Variants in TMCC1 observed in about 807,000 individuals in gnomAD.
TMCC1 encodes transmembrane and coiled-coil domains protein 1.
Under a neutral mutation model 52.4 loss-of-function variants are expected in TMCC1, and 15 were observed. That is an observed-to-expected ratio of 0.29 (90% CI 0.19 to 0.44). TMCC1 has a LOEUF of 0.44. Among genes scored for constraint, TMCC1 ranks in the 20% least tolerant of loss-of-function variants. TMCC1 has a pLI of 1.00. For missense variants in TMCC1, 503 were observed against 806.0 expected, an observed-to-expected ratio of 0.62 and a Z score of 4.55; for synonymous variants, 279 against 301.9, an observed-to-expected ratio of 0.92 and a Z score of 0.79.
chr3:129,843,431 G>A (rs1360378992), intron 2 of TMCC1, among the ~76,000 whole-genome samples: 1 of 151,918 alleles, frequency 6.6e-6, no homozygotes, highest in Non-Finnish European at 1.5e-5. Context: ...AAAAACCAAT[G>A]AAAGCAAAAG....
chr3:129,783,115 G>T (rs1486212848), intron 4 of TMCC1, among the ~76,000 whole-genome samples: 1 of 152,134 alleles, frequency 6.6e-6, no homozygotes, highest in Non-Finnish European at 1.5e-5. Flanking sequence ...GTTGGGTTAG[G>T]TATGTCAGAC....
intron 5 of TMCC1, 82 bp downstream of exon 5, chr3:129,670,248 A>T (rs937058808): frequency 1.4e-6 from 2 of 1,432,864 alleles, no homozygotes; most frequent in Admixed American, 2.1e-5. Flanking sequence ...AAAGATAAAG[A>T]CTTTTAAAAG....
rs1439726181 is a variant in TMCC1 at position 129,759,583 on chromosome 3, G to C, written c.576+68220C>G. ...ATGCCAGGCCTATGACCATTTTTGA[G>C]AGTTTTTTTTTTTTTTAAGAGACAT... is the stretch of plus-strand genomic sequence containing the variant. On this transcript the variant is annotated intron_variant, in intron 4 of 6. Coordinates refer to ENST00000393238, the MANE Select transcript of TMCC1 (RefSeq NM_001017395.5). Among the ~76,000 whole-genome samples the C allele has an allele frequency of 5.7e-5, 6 of 105,046 alleles. No homozygotes were observed. The East Asian group carries it at 1.1e-3, about 19-fold the overall frequency. 68.9% of individuals were successfully genotyped at this position (105,046 alleles called of 152,430 possible). A position where few individuals can be genotyped will look rare whatever the true frequency, so the allele number is the denominator to read the frequency against.
intron 2 of TMCC1, among the ~76,000 whole-genome samples, chr3:129,835,258 T>G (rs1033723343): frequency 6.6e-6 from 1 of 152,112 alleles, no homozygotes; most frequent in African/African-American, 2.4e-5. Flanking sequence ...ATGGCTGTGT[T>G]TTCATGCTGT....
chr3:129,709,965 T>C (rs181176627), intron 4 of TMCC1, among the ~76,000 whole-genome samples: 2 of 151,974 alleles, frequency 1.3e-5, no homozygotes, highest in African/African-American at 4.8e-5. Flanking sequence ...GGCAGGCAGA[T>C]CACAAGGTCA....
At chr3:129,769,032 T>C (rs576185335) in intron 4 of TMCC1, among the ~76,000 whole-genome samples, 1 of 152,330 alleles carries the variant, frequency 6.6e-6, no homozygotes, top group Admixed American at 6.5e-5. Context: ...CTTGACAGCA[T>C]ACTTTAGATA....
At chr3:129,748,381 A>AG (rs2052178144) in intron 4 of TMCC1, among the ~76,000 whole-genome samples, 1 of 152,104 alleles carries the variant, frequency 6.6e-6, no homozygotes. Context: ...TCTGCCTCCC[A>AG]GGCTCAAGCG....
In TMCC1 at chr3:129,651,478, G is replaced by C; in HGVS notation, c.*3C>G. ...GTAGGGAACAATGCCTTCTGTGCCA[G>C]CATCATCTAGGGGATGAAAAGAACC... On this transcript the variant is annotated 3_prime_UTR_variant, in exon 7 of 7. Transcript: ENST00000393238. The surrounding 1 kb of genome is among the most constrained non-coding windows in gnomAD (Gnocchi z 5.1). 1 of 1,611,620 alleles carries C rather than the reference G, an allele frequency of 6.2e-7. No individual in the cohort carries two copies. Among genetic ancestry groups the C allele is most frequent in the Non-Finnish European group, 8.5e-7 (1 of 1,178,202 alleles).
chr3:129,717,374 C>A (rs1251061718), intron 4 of TMCC1, among the ~76,000 whole-genome samples: 1 of 152,180 alleles, frequency 6.6e-6, no homozygotes, highest in Non-Finnish European at 1.5e-5. Context: ...AGTACACCAT[C>A]CTCTCTAGAT....
intron 4 of TMCC1, among the ~76,000 whole-genome samples, chr3:129,779,733 G>A (rs1248143886): frequency 4.6e-5 from 7 of 152,080 alleles, no homozygotes; most frequent in Non-Finnish European, 2.9e-5. Flanking sequence ...AAATGAAAAT[G>A]GAACAATGTG....
At chr3:129,795,345 C>T (rs1364550592) in intron 4 of TMCC1, among the ~76,000 whole-genome samples, 1 of 152,138 alleles carries the variant, frequency 6.6e-6, no homozygotes, top group Non-Finnish European at 1.5e-5. Context: ...TCCAGACAAC[C>T]ACTGTGAGGA....
chr3:129,677,413 C>T (rs761995327), intron 4 of TMCC1, among the ~76,000 whole-genome samples: 5 of 152,124 alleles, frequency 3.3e-5, no homozygotes, highest in East Asian at 1.9e-4. Context: ...GAAAAGGAGA[C>T]GGTAACAAAA....
chr3:129,854,955 T>C (rs943335040), intron 2 of TMCC1, among the ~76,000 whole-genome samples: 4 of 152,212 alleles, frequency 2.6e-5, no homozygotes, highest in African/African-American at 9.6e-5. Flanking sequence ...CCAATAAAAA[T>C]GTGTTGCATG....
intron 2 of TMCC1, among the ~76,000 whole-genome samples, chr3:129,865,857 G>T (rs1419972640): frequency 6.6e-6 from 1 of 152,132 alleles, no homozygotes; most frequent in African/African-American, 2.4e-5. Flanking sequence ...AAATATCACT[G>T]CAAAATGCCA....
chr3:129,847,404 A>G (rs1034460275), intron 2 of TMCC1: 2 of 152,214 alleles, frequency 1.3e-5, no homozygotes, highest in Non-Finnish European at 2.9e-5. Flanking sequence ...AATCTATTGC[A>G]AGAAGTTAGT....
chr3:129,764,634 GA>G (rs1310330582), intron 4 of TMCC1, among the ~76,000 whole-genome samples: 2 of 151,460 alleles, frequency 1.3e-5, no homozygotes, highest in Non-Finnish European at 2.9e-5. Flanking sequence ...CCTGGGCAAA[GA>G]AAATCACCCT....
rs528399774 is a variant in TMCC1, at chr3:129,873,638, C to T, written c.-184+6671G>A. Among the ~76,000 whole-genome samples, 20 of 152,226 alleles carry T rather than the reference C, an allele frequency of 1.3e-4. 1 individual carries two copies. In the South Asian group the frequency reaches 2.9e-3, roughly 22 times the overall value. On this transcript the variant is annotated intron_variant, in intron 2 of 6. Transcript: ENST00000393238. ...AAGGCTGCAGTTAGCTACGATCACA[C>T]GCACCACTACACACCAGCATAGGTG...
rs1278373347 is a variant in TMCC1 at position 129,886,954 on chromosome 3, C to T, written c.-434-6395G>A. On this transcript the variant is annotated intron_variant, in intron 1 of 6. Transcript: ENST00000393238. ...TCCGTCTCAAATAAAATAAAATAAA[C>T]AAAAAAAACCCCAAAAGGCCAGGTA... is the stretch of plus-strand genomic sequence containing the variant. Among the ~76,000 whole-genome samples the T allele has an allele frequency of 2.0e-5, 3 of 151,398 alleles. No homozygotes were observed. The East Asian group carries it at 5.8e-4, about 29-fold the overall frequency.
At chr3:129,674,271 A>G (rs1336723802) in intron 4 of TMCC1, among the ~76,000 whole-genome samples, 2 of 152,200 alleles carry the variant, frequency 1.3e-5, no homozygotes, top group Non-Finnish European at 2.9e-5. Context: ...CTTCCGTCCT[A>G]CTTGGGCTGT....
Sources: allele counts gnomAD v4.1 joint callset (sites outside exome capture counted in the v4.1 genomes callset), GRCh38; gene constraint gnomAD v4.1.1; non-coding constraint Gnocchi (gnomAD v3.1); transcripts MANE v1.5; gene names NCBI Gene and HGNC (gene_info 2026-07-23, HGNC 2026-07-21).